The following CNTN4 variants were observed in gnomAD, a reference collection of about 807,000 sequenced individuals.
The protein encoded by CNTN4 is contactin 4.
In CNTN4, 77 loss-of-function variants were observed where a neutral mutation model predicts 122.5. That is an observed-to-expected ratio of 0.63 (90% confidence interval 0.52 to 0.76). The LOEUF (loss-of-function observed/expected upper bound fraction) is 0.76. Among genes scored for constraint, CNTN4 ranks in the 30% least tolerant of loss-of-function variants. The pLI is 0.00. For synonymous variants in CNTN4, 512 were observed against 447.0 expected (o/e 1.15, Z -1.83); for missense variants, 1,256 against 1,259.1 (o/e 1.00, Z 0.04).
chr3:2,903,609 C>G (rs1198084492), intron 12 of CNTN4, among the ~76,000 whole-genome samples: 2 of 152,188 alleles, frequency 1.3e-5, no homozygotes, highest in Non-Finnish European at 2.9e-5. Context: ...ATTTCTGTAA[C>G]TCCTTCTCAG....
At chr3:2,983,374 T>C (rs9842033) in intron 13 of CNTN4, among the ~76,000 whole-genome samples, 10,850 of 152,014 alleles carry the variant, frequency 0.071, 1,085 homozygotes, top group African/African-American at 0.22. Flanking sequence ...GGCATCATAA[T>C]GTGTTGTAGG....
chr3:2,886,652 C>T (rs1037905715), intron 9 of CNTN4, among the ~76,000 whole-genome samples: 6 of 151,210 alleles, frequency 4.0e-5, no homozygotes, highest in Admixed American at 2.0e-4. Context: ...GCTCAGATTA[C>T]AGGCACCTGC....
At chr3:2,805,020 CA>C (rs560789725) in intron 6 of CNTN4, among the ~76,000 whole-genome samples, 1 of 151,768 alleles carries the variant, frequency 6.6e-6, no homozygotes. Flanking sequence ...ACTAAAAATA[CA>C]AAAAAATTTG....
chr3:2,567,962 A>T (rs1480826908), intron 3 of CNTN4, among the ~76,000 whole-genome samples: 1 of 152,132 alleles, frequency 6.6e-6, no homozygotes, highest in Non-Finnish European at 1.5e-5. Context: ...TGACTGGTTT[A>T]TTAGCACCTC....
chr3:2,356,577 TCTTTA>T (rs1329830828), intron 3 of CNTN4, among the ~76,000 whole-genome samples: 5 of 152,240 alleles, frequency 3.3e-5, no homozygotes, highest in African/African-American at 1.2e-4. Flanking sequence ...TCAGCCAGCT[TCTTTA>T]CTTCAACCTG....
intron 7 of CNTN4, among the ~76,000 whole-genome samples, chr3:2,832,646 C>T (rs2093129322): frequency 6.6e-6 from 1 of 152,108 alleles, no homozygotes; most frequent in Admixed American, 6.5e-5. Flanking sequence ...TGAGTATGGA[C>T]ATGGGGAAGG....
intron 4 of CNTN4, among the ~76,000 whole-genome samples, chr3:2,668,785 G>T (rs558931168): frequency 3.8e-4 from 58 of 152,250 alleles, no homozygotes; most frequent in Admixed American, 2.0e-3. Context: ...CTAATTTATT[G>T]AGAGTTTTTA....
At chr3:2,724,724 T>G (rs776751762) in intron 4 of CNTN4, among the ~76,000 whole-genome samples, 31 of 152,198 alleles carry the variant, frequency 2.0e-4, no homozygotes, top group Non-Finnish European at 4.1e-4. Context: ...TTGGGCAGTT[T>G]AATGTCAGTG....
rs576592720 is a variant in CNTN4 at position 2,137,047 on chromosome 3, C to A, written c.-145+36408C>A. Among the ~76,000 whole-genome samples the A allele has an allele frequency of 2.8e-4, 42 of 152,220 alleles. 1 individual carries two copies. In the South Asian group the frequency reaches 4.8e-3, roughly 17 times the overall value. The stretch of plus-strand genomic sequence containing the variant: ...GAATCTAGGAGAAGGAAAATATTTT[C>A]CCAGTATCTAAAGCCATTGAATCAA... On this transcript the variant is annotated intron_variant, in intron 2 of 24. Transcript: ENST00000418658.
intron 3 of CNTN4, among the ~76,000 whole-genome samples, chr3:2,364,536 C>T (rs80058001): frequency 0.024 from 3,673 of 151,902 alleles, 152 homozygotes; most frequent in African/African-American, 0.084. Context: ...TTCAAAAGAA[C>T]CTTCTGGCAT....
chr3:2,228,337 A>G (rs1439529190), intron 2 of CNTN4, among the ~76,000 whole-genome samples: 2 of 151,910 alleles, frequency 1.3e-5, no homozygotes, highest in Non-Finnish European at 2.9e-5. Context: ...AAAATTATAT[A>G]GCATTTAAAT....
intron 2 of CNTN4, among the ~76,000 whole-genome samples, chr3:2,287,013 T>G (rs540308478): frequency 3.9e-5 from 6 of 152,314 alleles, no homozygotes; most frequent in Non-Finnish European, 7.3e-5. Flanking sequence ...TATTCGTAGT[T>G]AGATCAAACA....
chr3:2,367,725 T>C (rs1157231300), intron 3 of CNTN4, among the ~76,000 whole-genome samples: 1 of 152,126 alleles, frequency 6.6e-6, no homozygotes, highest in African/African-American at 2.4e-5. Flanking sequence ...CCTCAGGCAA[T>C]CCACCTGCCT....
intron 3 of CNTN4, among the ~76,000 whole-genome samples, chr3:2,365,746 G>A (rs75829489): frequency 0.023 from 3,544 of 152,204 alleles, 149 homozygotes; most frequent in African/African-American, 0.081. Flanking sequence ...TATATACCAT[G>A]TTGTCCCTAA....
intron 2 of CNTN4, among the ~76,000 whole-genome samples, chr3:2,251,009 G>C (rs551381498): frequency 3.6e-4 from 55 of 151,846 alleles, no homozygotes; most frequent in Non-Finnish European, 5.9e-4. Flanking sequence ...ATATTATATT[G>C]TCACCTATAT....
At chr3:2,170,189 C>A (rs563705843) in intron 2 of CNTN4, among the ~76,000 whole-genome samples, 15 of 149,436 alleles carry the variant, frequency 1.0e-4, no homozygotes, top group African/African-American at 2.7e-4. Context: ...GGCGTGGTGG[C>A]GGCGCCTGTA....
At chr3:2,652,768 T>TGTATTCTCCATCGTAGACGTGTG (rs2083421540) in intron 4 of CNTN4, among the ~76,000 whole-genome samples, 1 of 151,948 alleles carries the variant, frequency 6.6e-6, no homozygotes, top group Admixed American at 6.6e-5. Context: ...CGTGTGTGAA[T>TGTATTCTCCATCGTAGACGTGTG]GTATTCTCCA....
At chr3:2,351,591 G>A (rs2044626366) in intron 3 of CNTN4, among the ~76,000 whole-genome samples, 1 of 152,132 alleles carries the variant, frequency 6.6e-6, no homozygotes, top group Non-Finnish European at 1.5e-5. Flanking sequence ...ATTCCCCGTG[G>A]AGTAGGACAG....
intron 7 of CNTN4, among the ~76,000 whole-genome samples, chr3:2,819,856 T>C (rs1559540577): frequency 6.6e-6 from 1 of 152,156 alleles, no homozygotes; most frequent in Non-Finnish European, 1.5e-5. Flanking sequence ...GGTAAAGCAG[T>C]GTAATTAAAA....
Sources: allele counts gnomAD v4.1 joint callset (sites outside exome capture counted in the v4.1 genomes callset), GRCh38; gene constraint gnomAD v4.1.1; transcripts MANE v1.5; gene names NCBI Gene and HGNC (gene_info 2026-07-23, HGNC 2026-07-21).